Variants in GNAQ observed in about 807,000 individuals in gnomAD.
GNAQ encodes G protein subunit alpha q.
Under a neutral mutation model 43.9 loss-of-function variants are expected in GNAQ, and 8 were observed. That is an observed-to-expected ratio of 0.18 (90% CI 0.11 to 0.33). The LOEUF (loss-of-function observed/expected upper bound fraction) is 0.33. GNAQ is among the 10% of genes least tolerant of loss of function. The probability of loss-of-function intolerance (pLI) is 1.00; values close to 1 mark genes in which losing one functional copy is unlikely to be tolerated. For synonymous variants in GNAQ, 155 were observed against 170.7 expected, an observed-to-expected ratio of 0.91 and a Z score of 0.71; for missense variants, 158 against 450.8, an observed-to-expected ratio of 0.35 and a Z score of 5.88.
chr9:77,917,090 C>T (rs955959150), intron 2 of GNAQ, among the ~76,000 whole-genome samples: 2 of 152,132 alleles, frequency 1.3e-5, no homozygotes, highest in Non-Finnish European at 2.9e-5. Flanking sequence ...AAGAAGCTTG[C>T]TTACTGTAAG....
At chr9:77,932,483 C>A (rs1007467110) in intron 1 of GNAQ, among the ~76,000 whole-genome samples, 2 of 152,138 alleles carry the variant, frequency 1.3e-5, no homozygotes, top group African/African-American at 4.8e-5. Context: ...CTTTGAGATA[C>A]CCTCTTAAGA....
chr9:77,845,282 G>C (rs183014203), intron 2 of GNAQ, among the ~76,000 whole-genome samples: 1 of 152,072 alleles, frequency 6.6e-6, no homozygotes. Flanking sequence ...GCAAGTGTCA[G>C]AAGCAATTGT....
In GNAQ at chr9:77,821,724, G is replaced by GGTGTGT. The variant is rs1554718670; in HGVS notation, c.322-5960_322-5955dup. On this transcript the variant is annotated intron_variant, in intron 2 of 6. Coordinates refer to ENST00000286548, the MANE Select transcript of GNAQ (RefSeq NM_002072.5). ...TATGATGTTGTACTATCCTAGTATG[G>GGTGTGT]GTGTGTGTGTGTGTGTGTGTGTGTG... is the stretch of plus-strand genomic sequence containing the variant. Among the ~76,000 whole-genome samples, 346 of 142,382 alleles carry GGTGTGT rather than the reference G, an allele frequency of 2.4e-3. 1 individual carries two copies. Among genetic ancestry groups the GGTGTGT allele is most frequent in the South Asian group, 5.8e-3 (26 of 4,452 alleles). 93.4% of individuals were successfully genotyped at this position (142,382 alleles called of 152,430 possible). A position where few individuals can be genotyped will look rare whatever the true frequency, so the allele number is the denominator to read the frequency against.
At chr9:77,828,013 T>G (rs1827229575) in intron 2 of GNAQ, among the ~76,000 whole-genome samples, 1 of 121,556 alleles carries the variant, frequency 8.2e-6, no homozygotes, top group Admixed American at 1.0e-4. Flanking sequence ...TGAGCCGAGA[T>G]CGTGCCACTG....
intron 2 of GNAQ, among the ~76,000 whole-genome samples, chr9:77,839,307 C>G (rs1827444681): frequency 6.6e-6 from 1 of 152,196 alleles, no homozygotes; most frequent in Non-Finnish European, 1.5e-5. Context: ...TTATTTCAGA[C>G]AACCCTTCAT....
At chr9:78,012,241 T>TC (rs939710347) in intron 1 of GNAQ, among the ~76,000 whole-genome samples, 2 of 149,850 alleles carry the variant, frequency 1.3e-5, no homozygotes, top group African/African-American at 4.9e-5. Flanking sequence ...GCATTTTCTT[T>TC]TTTTTTTTTT....
intron 5 of GNAQ, among the ~76,000 whole-genome samples, chr9:77,791,358 T>C (rs969454349): frequency 1.3e-5 from 2 of 152,226 alleles, no homozygotes; most frequent in African/African-American, 4.8e-5. Context: ...GCATGTCTTA[T>C]TGTGTGCTTT....
At chr9:77,839,800 T>C (rs1031679925) in intron 2 of GNAQ, among the ~76,000 whole-genome samples, 1 of 152,236 alleles carries the variant, frequency 6.6e-6, no homozygotes, top group Admixed American at 6.5e-5. Context: ...CCTTACTCCA[T>C]AGTGGGTTAA....
chr9:77,832,716 T>C (rs1006748686), intron 2 of GNAQ, among the ~76,000 whole-genome samples: 3 of 152,152 alleles, frequency 2.0e-5, no homozygotes, highest in Non-Finnish European at 2.9e-5. Context: ...CACATGTCCA[T>C]CTGAACACTT....
At chr9:77,984,806 G>A (rs1308479397) in intron 1 of GNAQ, among the ~76,000 whole-genome samples, 4 of 152,086 alleles carry the variant, frequency 2.6e-5, no homozygotes, top group African/African-American at 4.8e-5. Context: ...GAAACTCCCT[G>A]ATTCACTTAT....
chr9:77,761,567 C>T (rs1364117208), intron 5 of GNAQ, among the ~76,000 whole-genome samples: 193 of 138,454 alleles, frequency 1.4e-3, no homozygotes, highest in Admixed American at 2.9e-3. Flanking sequence ...GCCCCCCGCC[C>T]GGCCAGCTGC....
At chr9:77,996,101 G>A (rs2118536330) in intron 1 of GNAQ, among the ~76,000 whole-genome samples, 1 of 152,284 alleles carries the variant, frequency 6.6e-6, no homozygotes, top group African/African-American at 2.4e-5. Context: ...ATTCAGAGGA[G>A]CAGAGTACAC....
chr9:77,820,622 G>T (rs749759006), intron 2 of GNAQ, among the ~76,000 whole-genome samples: 3 of 152,200 alleles, frequency 2.0e-5, no homozygotes, highest in Non-Finnish European at 2.9e-5. Context: ...TCTTTAAGTG[G>T]TAAGGATCTA....
intron 1 of GNAQ, among the ~76,000 whole-genome samples, chr9:78,021,520 T>C (rs1181503757): frequency 1.3e-5 from 2 of 152,172 alleles, no homozygotes; most frequent in Non-Finnish European, 2.9e-5. Context: ...GGCACAGTGA[T>C]GGAAAAAGAA....
chr9:77,820,426 A>G (rs779498364), intron 2 of GNAQ, among the ~76,000 whole-genome samples: 16 of 152,240 alleles, frequency 1.1e-4, no homozygotes, highest in Admixed American at 2.0e-4. Flanking sequence ...ATTACTGCAT[A>G]AATGACAAAG....
chr9:77,874,695 G>A (rs1240224432), intron 2 of GNAQ, among the ~76,000 whole-genome samples: 1 of 151,916 alleles, frequency 6.6e-6, no homozygotes, highest in African/African-American at 2.4e-5. Flanking sequence ...CGCGATCATG[G>A]CTCACCGCAA....
At chr9:77,801,437 T>C (rs940211961) in intron 3 of GNAQ, among the ~76,000 whole-genome samples, 5 of 152,218 alleles carry the variant, frequency 3.3e-5, no homozygotes, top group Admixed American at 3.3e-4. Context: ...ACCTGATGCC[T>C]GCCAGGCTCT....
intron 2 of GNAQ, among the ~76,000 whole-genome samples, chr9:77,880,974 T>G (rs1828198527): frequency 6.6e-6 from 1 of 152,116 alleles, no homozygotes. Flanking sequence ...CTTGAAGACC[T>G]TGAAGTTCTG....
At chr9:77,969,587 AC>A (rs564513166) in intron 1 of GNAQ, among the ~76,000 whole-genome samples, 13 of 152,352 alleles carry the variant, frequency 8.5e-5, no homozygotes, top group Admixed American at 3.9e-4. Context: ...ATAAGTACAT[AC>A]TATGAATTTT....
Sources: allele counts gnomAD v4.1 joint callset (sites outside exome capture counted in the v4.1 genomes callset), GRCh38; gene constraint gnomAD v4.1.1; transcripts MANE v1.5; gene names NCBI Gene and HGNC (gene_info 2026-07-23, HGNC 2026-07-21).